The following LDLRAD4 variants were observed in gnomAD, a reference collection of about 807,000 sequenced individuals.
LDLRAD4 encodes low density lipoprotein receptor class A domain containing 4, also known as low-density lipoprotein receptor class A domain-containing protein 4.
A neutral mutation model predicts 17.0 loss-of-function variants in LDLRAD4; 5 were observed. That is an observed-to-expected ratio of 0.29 (90% CI 0.15 to 0.62). The LOEUF (loss-of-function observed/expected upper bound fraction) is 0.62. Ranked by LOEUF, LDLRAD4 falls within the 20% of genes least tolerant of loss-of-function variation. LDLRAD4 has a pLI of 0.84. For synonymous variants in LDLRAD4, 168 were observed against 171.8 expected, an observed-to-expected ratio of 0.98 and a Z score of 0.17; for missense variants, 340 against 424.7, an observed-to-expected ratio of 0.80 and a Z score of 1.75.
intron 1 of LDLRAD4, among the ~76,000 whole-genome samples, chr18:13,224,537 T>G (rs568426683): frequency 2.4e-4 from 32 of 134,978 alleles, no homozygotes; most frequent in Middle Eastern, 4.8e-3. Flanking sequence ...TGGAGTTCAG[T>G]GGCGCAATCT....
intron 4 of LDLRAD4, among the ~76,000 whole-genome samples, chr18:13,639,790 G>A (rs970935586): frequency 5.3e-5 from 8 of 152,114 alleles, no homozygotes; most frequent in Non-Finnish European, 1.2e-4. Flanking sequence ...GCAATTGTCA[G>A]TAAATAGTTA....
At chr18:13,226,267 C>T (rs1003754723) in intron 1 of LDLRAD4, among the ~76,000 whole-genome samples, 9 of 144,384 alleles carry the variant, frequency 6.2e-5, no homozygotes, top group South Asian at 2.2e-4. Flanking sequence ...GCAATCTTCC[C>T]GCCTTGGCCT....
At chr18:13,507,983 A>G (rs561604815) in intron 3 of LDLRAD4, among the ~76,000 whole-genome samples, 2 of 149,442 alleles carry the variant, frequency 1.3e-5, no homozygotes, top group South Asian at 4.1e-4. Flanking sequence ...TAGCCAAGTT[A>G]TGAATGCAAA....
chr18:13,543,334 G>GA (rs1228353058), intron 3 of LDLRAD4: 2 of 152,182 alleles, frequency 1.3e-5, no homozygotes, highest in African/African-American at 4.8e-5. Context: ...GCCACGGCAT[G>GA]CACCCACACA....
In LDLRAD4 at chr18:13,499,386, G is replaced by A. The variant is rs1278910133; in HGVS notation, c.181+61002G>A. Among the ~76,000 whole-genome samples the A allele has an allele frequency of 8.2e-5, 9 of 110,116 alleles. No individual in the cohort carries two copies. The East Asian group carries it at 2.0e-3, about 25-fold the overall frequency. The allele number at this position is 110,116 out of a possible 152,430, so 72.2% of individuals were successfully genotyped here. ...CCGTGGACACTGGAGAATCCTTCTCGCCACACACTTCCCACCATGGACACT... is the reference window on the plus strand; with the variant it reads ...CCGTGGACACTGGAGAATCCTTCTCACCACACACTTCCCACCATGGACACT... On this transcript the variant is annotated intron_variant, in intron 3 of 5. Transcript: ENST00000359446.
upstream of LDLRAD4, chr18:13,218,685 C>G (rs1175513614): frequency 6.6e-6 from 1 of 152,226 alleles, no homozygotes; most frequent in Non-Finnish European, 1.5e-5. Flanking sequence ...CCGGCGTCCC[C>G]CCGGGTCCCC....
chr18:13,424,266 G>A (rs2089743256), intron 2 of LDLRAD4, among the ~76,000 whole-genome samples: 1 of 152,112 alleles, frequency 6.6e-6, no homozygotes, highest in Non-Finnish European at 1.5e-5. Flanking sequence ...GGCTTTACAC[G>A]ACTAATGGGC....
At chr18:13,436,264 G>C (rs1013842739) in intron 2 of LDLRAD4, among the ~76,000 whole-genome samples, 6 of 152,220 alleles carry the variant, frequency 3.9e-5, no homozygotes, top group African/African-American at 1.2e-4. Context: ...ACCTAGCACA[G>C]AACATAGAAG....
At chr18:13,601,427 C>A (rs1035020121) in intron 3 of LDLRAD4, among the ~76,000 whole-genome samples, 29 of 152,098 alleles carry the variant, frequency 1.9e-4, no homozygotes, top group Non-Finnish European at 3.4e-4. Context: ...ACAGTGACCA[C>A]CTCACAGCAG....
intron 1 of LDLRAD4, among the ~76,000 whole-genome samples, chr18:13,295,381 T>G (rs1457504062): frequency 6.6e-6 from 1 of 152,164 alleles, no homozygotes; most frequent in Non-Finnish European, 1.5e-5. Context: ...ATGTGTGGGG[T>G]CATACTGTGC....
intron 3 of LDLRAD4, among the ~76,000 whole-genome samples, chr18:13,504,092 G>T (rs773824805): frequency 2.5e-4 from 38 of 152,048 alleles, no homozygotes; most frequent in Non-Finnish European, 4.9e-4. Context: ...CACATATCTC[G>T]CCTTGAATCA....
At chr18:13,638,146 C>T (rs747239563) in intron 4 of LDLRAD4, among the ~76,000 whole-genome samples, 1 of 152,066 alleles carries the variant, frequency 6.6e-6, no homozygotes, top group African/African-American at 2.4e-5. Flanking sequence ...TGGCACACAC[C>T]TGTAGTCCCA....
At chr18:13,448,449 C>A (rs147645659) in intron 3 of LDLRAD4, among the ~76,000 whole-genome samples, 1 of 152,120 alleles carries the variant, frequency 6.6e-6, no homozygotes, top group South Asian at 2.1e-4. Context: ...TGTAGGAAAG[C>A]GGGTAAAAAA....
At chr18:13,524,931 C>G (rs1476355068) in intron 3 of LDLRAD4, among the ~76,000 whole-genome samples, 1 of 152,242 alleles carries the variant, frequency 6.6e-6, no homozygotes, top group Non-Finnish European at 1.5e-5. Context: ...CGCCCCAGTT[C>G]TAAATTAAGG....
intron 3 of LDLRAD4, among the ~76,000 whole-genome samples, chr18:13,458,832 A>G (rs1235383897): frequency 1.3e-5 from 2 of 152,222 alleles, no homozygotes; most frequent in Admixed American, 1.3e-4. Context: ...TTGACTTGCC[A>G]TTGCTGGCTT....
chr18:13,392,236 G>C (rs571589744), intron 2 of LDLRAD4, among the ~76,000 whole-genome samples: 2 of 152,346 alleles, frequency 1.3e-5, no homozygotes, highest in Non-Finnish European at 2.9e-5. Context: ...GCGTGGAGCG[G>C]CCCCCACCTG....
chr18:13,553,192 A>G (rs955349534), intron 3 of LDLRAD4, among the ~76,000 whole-genome samples: 2 of 152,236 alleles, frequency 1.3e-5, no homozygotes, highest in Non-Finnish European at 1.5e-5. Flanking sequence ...TTTGTTCAGT[A>G]TCACTTAGCA....
In LDLRAD4 at chr18:13,530,423, G is replaced by A. The variant is rs147706587; in HGVS notation, c.182-90694G>A. Among the ~76,000 whole-genome samples, 1,243 of 152,338 alleles carry A rather than the reference G, an allele frequency of 8.2e-3. 21 individuals are homozygous for A. The highest frequency in any genetic ancestry group is 0.029 in the African/African-American group (1,189 of 41,570). On this transcript the variant is annotated intron_variant, in intron 3 of 5. Coordinates refer to ENST00000359446, the Ensembl canonical transcript of LDLRAD4. ...CATCAGTCTGTTTCTGGAGCATTCC[G>A]AGGCTTTAGATAGGGAGCAGCATGA...
chr18:13,543,690 T>C (rs1274331637), intron 3 of LDLRAD4: 7 of 152,230 alleles, frequency 4.6e-5, no homozygotes, highest in Admixed American at 4.6e-4. Context: ...TGGAGTCACC[T>C]GGAGTTTGTT....
Sources: gnomAD v4.1 joint callset for allele counts (sites outside exome capture counted in the v4.1 genomes callset) on GRCh38, gnomAD v4.1.1 for gene constraint, MANE v1.5 for transcripts, NCBI Gene and HGNC (gene_info 2026-07-23, HGNC 2026-07-21) for gene names.